The following CNN3 variants were observed in gnomAD, a reference collection of about 807,000 sequenced individuals.
The protein encoded by CNN3 is calponin 3, also known as calponin-3.
CNN3 carries 11 observed loss-of-function variants against 39.0 expected under a neutral mutation model. The ratio of observed to expected loss-of-function variants is 0.28; its 90% CI spans 0.18 to 0.47. CNN3 has a LOEUF of 0.47. CNN3 is among the 20% of genes least tolerant of loss of function. The pLI is 0.99. For missense variants in CNN3, 266 were observed against 403.4 expected (o/e 0.66, Z 2.92); for synonymous variants, 101 against 138.3 (o/e 0.73, Z 1.89).
At chr1:94,915,578 A>G (rs1671260178) in intron 1 of CNN3, among the ~76,000 whole-genome samples, 1 of 152,214 alleles carries the variant, frequency 6.6e-6, no homozygotes, top group Admixed American at 6.5e-5. Flanking sequence ...CTTCCATCAG[A>G]GTGCTATGCC....
At position 94,927,079 on chromosome 1, in the gene CNN3, G is replaced by A. The variant is rs1481060576; in HGVS notation, c.-185C>T. ...CGACTGGGTCCAACTGGGTGCTACA[G>A]AGCCTCGAGCTCCGCTGCGAAGCAC... On this transcript the variant is annotated 5_prime_UTR_variant, in exon 1 of 7. Coordinates refer to ENST00000370206, the MANE Select transcript of CNN3 (RefSeq NM_001839.5). 3 of 555,460 alleles carry A rather than the reference G, an allele frequency of 5.4e-6. No homozygotes were observed. The highest frequency in any genetic ancestry group is 9.3e-6 in the Non-Finnish European group (3 of 322,178). 34.4% of individuals were successfully genotyped at this position (555,460 alleles called of 1,614,324 possible).
Position 94,917,524 on chromosome 1 carries a change from A to G in CNN3, c.57+9314T>C, listed in dbSNP as rs553757970. Among the ~76,000 whole-genome samples the G allele has an allele frequency of 5.9e-5, 9 of 152,336 alleles. No homozygotes were observed. The South Asian group carries it at 1.9e-3, about 32-fold the overall frequency. ...TTACTTTTTTCTTTTTTTAACATCA[A>G]AAGATCCTCCTCCTCTTTCTTACCA... On this transcript the variant is annotated intron_variant, in intron 1 of 6. Transcript: ENST00000370206.
intron 1 of CNN3, among the ~76,000 whole-genome samples, chr1:94,909,974 A>G (rs1671117786): frequency 6.6e-6 from 1 of 152,172 alleles, no homozygotes; most frequent in Non-Finnish European, 1.5e-5. Context: ...CTACTGAAGA[A>G]TGAAGACTGC....
At chr1:94,903,360 G>T in intron 2 of CNN3, 43 bp downstream of exon 2, 1 of 1,552,984 alleles carries the variant, frequency 6.4e-7, no homozygotes, top group Non-Finnish European at 8.7e-7. Context: ...GCTGTGGAAA[G>T]AACTGGAAGA....
intron 2 of CNN3, 56 bp from the exon 3 acceptor site, chr1:94,903,244 GA>G: frequency 1.3e-6 from 2 of 1,589,304 alleles, no homozygotes; most frequent in Non-Finnish European, 1.7e-6. Context: ...AACAAGGATT[GA>G]AATATCAAGT....
rs145115019 is a variant in CNN3, at chr1:94,898,009, C to T, written c.723G>A (p.Ser241=). The change falls in exon 7 of 7, where the codon TCG becomes TCA. Residue 241 remains serine, a synonymous_variant. Transcript: ENST00000370206. ...TGGTACCCATCTGTAGGGAAATTGTCGAGTTGTCCACCGGCTGTAATGTTA... is the reference window on the plus strand; with the variant it reads ...TGGTACCCATCTGTAGGGAAATTGTTGAGTTGTCCACCGGCTGTAATGTTA... ...QKLTLQPVDN[S]TISLQMGTNK... is the part of the protein sequence containing the mutation. The T allele has an allele frequency of 1.3e-5, 21 of 1,614,034 alleles. No individual in the cohort carries two copies. Among genetic ancestry groups the T allele is most frequent in the Admixed American group, 1.7e-5 (1 of 60,010 alleles).
intron 1 of CNN3, chr1:94,925,598 C>T: frequency 2.0e-6 from 2 of 985,376 alleles, no homozygotes; most frequent in Non-Finnish European, 2.4e-6. Context: ...AGCCACAACT[C>T]TCCCTTGGGG....
At chr1:94,900,696 A>G (rs887056394) in intron 5 of CNN3, among the ~76,000 whole-genome samples, 1 of 152,188 alleles carries the variant, frequency 6.6e-6, no homozygotes, top group African/African-American at 2.4e-5. Context: ...TGGCTTTTGG[A>G]GAGTAAAGCC....
intron 1 of CNN3, among the ~76,000 whole-genome samples, chr1:94,916,842 A>G (rs79505973): frequency 0.057 from 8,723 of 152,302 alleles, 321 homozygotes; most frequent in African/African-American, 0.092. Flanking sequence ...GTTAATTCAC[A>G]TAAGTTGTAA....
chr1:94,916,469 T>G (rs1055467268), intron 1 of CNN3, among the ~76,000 whole-genome samples: 6 of 152,156 alleles, frequency 3.9e-5, no homozygotes, highest in African/African-American at 1.4e-4. Context: ...GACTTCTCAG[T>G]AGCCAAATCC....
At chr1:94,906,246 G>C (rs112216699) in intron 1 of CNN3, among the ~76,000 whole-genome samples, 6 of 152,312 alleles carry the variant, frequency 3.9e-5, no homozygotes, top group South Asian at 2.1e-4. Context: ...GCCTCCCAAA[G>C]TGCTGAGATT....
rs763937439 is a variant in CNN3, at chr1:94,897,871, T to C, written c.861A>G (p.Gly287=). 6 of 1,614,044 alleles carry C rather than the reference T, an allele frequency of 3.7e-6. No homozygotes were observed. The highest frequency in any genetic ancestry group is 5.1e-6 in the Non-Finnish European group (6 of 1,180,020). ...TGATTTCCGAACCATTTGTTCCTGT[T>C]CCTTGGCTTCCGTTGTGAATGACAG... is the stretch of plus-strand genomic sequence containing the variant. ...TEPVIHNGSQ[G]TGTNGSEISD... is the part of the protein sequence containing the mutation. Residue 287 remains glycine, a synonymous_variant, in exon 7 of 7, where the codon GGA becomes GGG. Transcript: ENST00000370206.
chr1:94,908,459 G>T (rs1671071210), intron 1 of CNN3, among the ~76,000 whole-genome samples: 1 of 152,222 alleles, frequency 6.6e-6, no homozygotes, highest in African/African-American at 2.4e-5. Flanking sequence ...TTCAAATGCA[G>T]ATCAGTCCTT....
At chr1:94,900,025 G>GT (rs1670821079) in intron 5 of CNN3, among the ~76,000 whole-genome samples, 1 of 152,172 alleles carries the variant, frequency 6.6e-6, no homozygotes, top group Non-Finnish European at 1.5e-5. Context: ...TTTTATTCCT[G>GT]TAACTCCCAT....
Position 94,927,040 on chromosome 1 carries a change from G to T in CNN3, c.-146C>A. 1 of 823,686 alleles carries T rather than the reference G, an allele frequency of 1.2e-6. No homozygotes were observed. Among genetic ancestry groups the T allele is most frequent in the Non-Finnish European group, 1.9e-6 (1 of 533,502 alleles). The allele number at this position is 823,686 out of a possible 1,614,324, so 51.0% of individuals were successfully genotyped here. A position where few individuals can be genotyped will look rare whatever the true frequency, so the allele number is the denominator to read the frequency against. On this transcript the variant is annotated 5_prime_UTR_variant, in exon 1 of 7. Coordinates refer to ENST00000370206, the MANE Select transcript of CNN3 (RefSeq NM_001839.5). ...GGCGCAGGAGACGGCCGCGGGGCGC[G>T]GGCGGTGCCTGGGCGACTGGGTCCA...
At chr1:94,917,442 A>G (rs1412681544) in intron 1 of CNN3, among the ~76,000 whole-genome samples, 2 of 152,186 alleles carry the variant, frequency 1.3e-5, no homozygotes, top group Admixed American at 6.5e-5. Context: ...CGAGGGATGG[A>G]GTAGGGATTA....
chr1:94,922,762 G>A lies in CNN3; in HGVS notation c.57+4076C>T, dbSNP rs1032764485. On this transcript the variant is annotated intron_variant, in intron 1 of 6. Transcript: ENST00000370206. ...CCGGCAAACAAGCTAGGAGGACTTC[G>A]CGGACACTGGTCCTATCTAATTATT... 4.6e-5 allele frequency among the ~76,000 whole-genome samples: 7 copies of A among 152,292 alleles called. No homozygotes were observed. The South Asian group carries it at 8.3e-4, about 18-fold the overall frequency.
intron 3 of CNN3, among the ~76,000 whole-genome samples, chr1:94,902,670 CAT>C (rs951170791): frequency 2.6e-5 from 4 of 152,150 alleles, no homozygotes; most frequent in Non-Finnish European, 5.9e-5. Context: ...CTCATTCTCT[CAT>C]ATCTCCAAAC....
intron 1 of CNN3, chr1:94,924,141 A>G (rs1237816139): frequency 6.6e-6 from 1 of 152,246 alleles, no homozygotes; most frequent in African/African-American, 2.4e-5. Flanking sequence ...AAAAGGTGTC[A>G]AACCACGCAA....
Sources: gnomAD v4.1 joint callset for allele counts (sites outside exome capture counted in the v4.1 genomes callset) on GRCh38, gnomAD v4.1.1 for gene constraint, MANE v1.5 for transcripts, NCBI Gene and HGNC (gene_info 2026-07-23, HGNC 2026-07-21) for gene names.